The following LRRC39 variants were observed in gnomAD, a reference collection of about 807,000 sequenced individuals.
LRRC39 encodes the protein leucine rich repeat containing 39.
Under a neutral mutation model 39.7 loss-of-function variants are expected in LRRC39, and 35 were observed. The observed-to-expected ratio is 0.88, with a 90% confidence interval of 0.67 to 1.17. The LOEUF (loss-of-function observed/expected upper bound fraction) is 1.17. Among genes scored for constraint, LRRC39 ranks in the 50% most tolerant of loss-of-function variants. LRRC39 has a pLI of 0.00. For synonymous variants in LRRC39, 113 were observed against 134.1 expected (o/e 0.84, Z 1.09); for missense variants, 357 against 385.8 (o/e 0.93, Z 0.62).
intron 3 of LRRC39, among the ~76,000 whole-genome samples, chr1:100,161,346 A>G (rs1193313125): frequency 2.6e-5 from 4 of 152,222 alleles, no homozygotes; most frequent in East Asian, 1.9e-4. Flanking sequence ...ATGTGATCAT[A>G]CAATATATAG....
intron 4 of LRRC39, 41 bp from the exon 5 acceptor site, chr1:100,159,456 T>A: frequency 2.1e-6 from 3 of 1,436,332 alleles, no homozygotes; most frequent in Non-Finnish European, 2.8e-6. Flanking sequence ...ATTACTTAAA[T>A]TTTTTTAGTA....
At chr1:100,174,486 A>T (rs1659834347) in intron 1 of LRRC39, among the ~76,000 whole-genome samples, 2 of 151,968 alleles carry the variant, frequency 1.3e-5, no homozygotes, top group African/African-American at 4.8e-5. Context: ...TTCTGTAGAG[A>T]TGGGGTTTTA....
intron 3 of LRRC39, among the ~76,000 whole-genome samples, chr1:100,165,678 G>T (rs1396142663): frequency 6.6e-6 from 1 of 152,050 alleles, no homozygotes; most frequent in African/African-American, 2.4e-5. Context: ...AAGTCCAAGT[G>T]TTTACCAAGT....
At chr1:100,176,446 A>C (rs984028897) in intron 1 of LRRC39, among the ~76,000 whole-genome samples, 4 of 152,212 alleles carry the variant, frequency 2.6e-5, no homozygotes, top group African/African-American at 9.7e-5. Flanking sequence ...AACAAAAAAA[A>C]GGAATGGCAG....
intron 2 of LRRC39, among the ~76,000 whole-genome samples, chr1:100,169,276 AT>A (rs1659443101): frequency 6.6e-6 from 1 of 152,130 alleles, no homozygotes; most frequent in Non-Finnish European, 1.5e-5. Flanking sequence ...ATGCAAAGAC[AT>A]TCACAATCAC....
At chr1:100,175,742 A>G (rs1205029447) in intron 1 of LRRC39, among the ~76,000 whole-genome samples, 1 of 152,210 alleles carries the variant, frequency 6.6e-6, no homozygotes, top group Non-Finnish European at 1.5e-5. Flanking sequence ...AATAAAATCC[A>G]AATGGTAGAA....
intron 9 of LRRC39, 22 bp from the exon 10 acceptor site, chr1:100,149,119 A>G (rs749870180): frequency 6.3e-7 from 1 of 1,586,208 alleles, no homozygotes; most frequent in Non-Finnish European, 8.5e-7. Flanking sequence ...ATAACATGTC[A>G]ACACATAATT....
At chr1:100,172,695 T>A (rs1326110992) in intron 2 of LRRC39, among the ~76,000 whole-genome samples, 5 of 152,068 alleles carry the variant, frequency 3.3e-5, no homozygotes, top group East Asian at 3.9e-4. Flanking sequence ...GCGCGGTGGC[T>A]CATACCTGTA....
chr1:100,172,042 T>A (rs1306755681), intron 2 of LRRC39, among the ~76,000 whole-genome samples: 1 of 152,032 alleles, frequency 6.6e-6, no homozygotes, highest in Non-Finnish European at 1.5e-5. Context: ...AAAGGGAATA[T>A]TATAGATAAA....
chr1:100,179,499 C>CAAAAAAAAAAAAAAAAAAAAAAAAAAAAA (rs60588308), upstream of LRRC39, among the ~76,000 whole-genome samples: 4 of 45,618 alleles, frequency 8.8e-5, no homozygotes, highest in African/African-American at 3.3e-4. Context: ...CTGTATCTAC[C>CAAAAAAAAAAAAAAAAAAAAAAAAAAAAA]AAAAAAAAAA....
In LRRC39 at chr1:100,178,173, G is replaced by A. The variant is rs1050706922; in HGVS notation, c.-157C>T. On this transcript the variant is annotated 5_prime_UTR_variant, in exon 1 of 10. Transcript: ENST00000370137. ...AGTTAGCGACTATCAGTTAAGAGTA[G>A]ATTGCAGGGGGAAATTTTTTTTTCA... 4.6e-5 allele frequency: 7 copies of A among 152,174 alleles called. No individual in the cohort carries two copies. Among genetic ancestry groups the A allele is most frequent in the Admixed American group, 2.6e-4 (4 of 15,280 alleles). 9.4% of individuals were successfully genotyped at this position (152,174 alleles called of 1,614,324 possible).
In LRRC39 at chr1:100,168,435, C is replaced by T. The variant is rs1460006875; in HGVS notation, c.82G>A (p.Asp28Asn). ...WEKRIKKLNE[D>N]LKREKEFQHK... The stretch of plus-strand genomic sequence containing the variant: ...TGAAATTCCTTCTCTCGCTTCAGGT[C>T]TTCATTGAGTTTCTTTATTCTTTTT... Residue 28 changes from aspartate to asparagine, a missense_variant, in exon 3 of 10, where the codon GAC (aspartate) becomes AAC (asparagine). Physicochemically the swap from Asp to Asn is conservative, Grantham distance 23. Coordinates refer to ENST00000370137, the MANE Select transcript of LRRC39 (RefSeq NM_144620.4). 1 of 1,611,900 alleles carries T rather than the reference C, an allele frequency of 6.2e-7. No individual in the cohort carries two copies. The highest frequency in any genetic ancestry group is 1.7e-5 in the Admixed American group (1 of 59,510).
chr1:100,159,545 C>A, intron 4 of LRRC39, 130 bp from the exon 5 acceptor site: 2 of 493,098 alleles, frequency 4.1e-6, no homozygotes, highest in Non-Finnish European at 3.1e-6. Context: ...TAGTGGGTTA[C>A]TTTTCCAAGT....
intron 1 of LRRC39, among the ~76,000 whole-genome samples, chr1:100,176,454 CAG>C (rs1422902503): frequency 2.0e-5 from 3 of 152,100 alleles, no homozygotes; most frequent in African/African-American, 7.2e-5. Context: ...AAAGGAATGG[CAG>C]TATTCATCCA....
rs946494496 is a variant in LRRC39, at chr1:100,158,285, G to A, written c.459C>T (p.Ser153=). ...TVPKELSNCA[S]LEKLELAVNR... ...TAACAGCCAGTTCTAGTTTCTCCAA[G>A]CTGGCACAATTACTTAGTTCCTTGG... is the stretch of plus-strand genomic sequence containing the variant. Residue 153 remains serine (S), a synonymous_variant, in exon 6 of 10, where the codon AGC becomes AGT. Coordinates refer to ENST00000370137, the MANE Select transcript of LRRC39 (RefSeq NM_144620.4). 1.2e-6 allele frequency: 2 copies of A among 1,613,970 alleles called. No homozygotes were observed. Among genetic ancestry groups the A allele is most frequent in the Admixed American group, 3.3e-5 (2 of 60,020 alleles).
intron 3 of LRRC39, among the ~76,000 whole-genome samples, chr1:100,161,820 T>C (rs1437164575): frequency 6.6e-6 from 1 of 152,150 alleles, no homozygotes. Context: ...CTAATTTTTG[T>C]ATTGTTTGTG....
chr1:100,158,359 T>A lies in LRRC39; in HGVS notation c.385A>T (p.Thr129Ser). 2 of 1,612,126 alleles carry A rather than the reference T, an allele frequency of 1.2e-6. No individual in the cohort carries two copies. The highest frequency in any genetic ancestry group is 1.7e-6 in the Non-Finnish European group (2 of 1,178,358). Residue 129 changes from threonine (T) to serine (S), a missense_variant, in exon 6 of 10, where the codon ACT becomes TCT. By Grantham distance (58) the Thr-to-Ser change is moderately conservative (BLOSUM62 1). Coordinates refer to ENST00000370137, the MANE Select transcript of LRRC39 (RefSeq NM_144620.4). ...SEIPPGIGLL[T>S]RLQELILSYN... The stretch of plus-strand genomic sequence containing the variant: ...CTGAGAATCAGTTCCTGAAGTCTAG[T>A]AAGCAGTCCTATAAAAAATAATATA...
At chr1:100,169,017 T>C (rs1223857570) in intron 2 of LRRC39, among the ~76,000 whole-genome samples, 2 of 152,082 alleles carry the variant, frequency 1.3e-5, no homozygotes, top group Non-Finnish European at 2.9e-5. Context: ...AGTGATAATA[T>C]ATTGGGATTG....
At chr1:100,179,466 A>G (rs2101805950), upstream of LRRC39, among the ~76,000 whole-genome samples, 1 of 127,498 alleles carries the variant, frequency 7.8e-6, no homozygotes, top group East Asian at 2.7e-4. Flanking sequence ...GCTGGAGACC[A>G]GCCTGAGCAA....
Sources: gnomAD v4.1 joint callset for allele counts (sites outside exome capture counted in the v4.1 genomes callset) on GRCh38, gnomAD v4.1.1 for gene constraint, MANE v1.5 for transcripts, NCBI Gene and HGNC (gene_info 2026-07-23, HGNC 2026-07-21) for gene names.